Variants in KIAA2012 observed in about 807,000 individuals in gnomAD.
KIAA2012 encodes uncharacterized protein KIAA2012.
KIAA2012 carries 125 observed loss-of-function variants against 150.6 expected under a neutral mutation model. That is an observed-to-expected ratio of 0.83 (90% CI 0.72 to 0.96). KIAA2012 has a LOEUF of 0.96. KIAA2012 is among the 40% of genes least tolerant of loss of function. The pLI is 0.00. For missense variants in KIAA2012, 1,219 were observed against 1,354.9 expected (o/e 0.90, Z 1.57); for synonymous variants, 462 against 504.7 (o/e 0.92, Z 1.13).
chr2:202,187,213 A>C, intron 17 of KIAA2012, 115 bp downstream of exon 17: 1 of 1,181,594 alleles, frequency 8.5e-7, no homozygotes, highest in Non-Finnish European at 1.2e-6. Flanking sequence ...AAAGGGGATG[A>C]GGGGGGCACT....
chr2:202,193,900 C>T (rs34746021), intron 20 of KIAA2012, among the ~76,000 whole-genome samples: 16,246 of 152,254 alleles, frequency 0.11, 1,044 homozygotes, highest in Non-Finnish European at 0.13. Context: ...ATCTTCACAA[C>T]CCTGTGAGGC....
intron 9 of KIAA2012, among the ~76,000 whole-genome samples, chr2:202,106,295 CAA>C (rs923365248): frequency 6.6e-6 from 1 of 152,166 alleles, no homozygotes; most frequent in Non-Finnish European, 1.5e-5. Flanking sequence ...TCAAACTTAC[CAA>C]AAGTTTCCTG....
intron 12 of KIAA2012, among the ~76,000 whole-genome samples, chr2:202,130,928 ATAAAT>A: frequency 6.6e-6 from 1 of 152,218 alleles, no homozygotes; most frequent in South Asian, 2.1e-4. Flanking sequence ...AAATAAATAA[ATAAAT>A]AAATAAAATA....
chr2:202,129,778 C>T (rs3845799), intron 12 of KIAA2012, among the ~76,000 whole-genome samples: 101,476 of 151,776 alleles, frequency 0.67, 34,369 homozygotes, highest in African/African-American at 0.77. Context: ...AAGACCACCC[C>T]GGCCAACATA....
rs1689287066 is a variant in KIAA2012, at chr2:202,074,881, C to T, written c.85-10C>T. ...AGTGGCTCCGTCAAAGTGGCTGCTT[C>T]TCATTGCAGGATTACTTGAACTGGA... On this transcript the variant is annotated splice_polypyrimidine_tract_variant and intron_variant, in intron 1 of 23. Transcript: ENST00000498697. The T allele has an allele frequency of 6.5e-7, 1 of 1,536,114 alleles. No individual in the cohort carries two copies. Among genetic ancestry groups the T allele is most frequent in the Admixed American group, 2.1e-5 (1 of 47,770 alleles).
intron 14 of KIAA2012, among the ~76,000 whole-genome samples, chr2:202,159,516 T>TC (rs1423445768): frequency 6.6e-6 from 1 of 152,148 alleles, no homozygotes; most frequent in Non-Finnish European, 1.5e-5. Context: ...CTTCTGAGAC[T>TC]CCATTTTCTC....
At chr2:202,120,030 A>T (rs1429011650) in intron 11 of KIAA2012, among the ~76,000 whole-genome samples, 1 of 152,206 alleles carries the variant, frequency 6.6e-6, no homozygotes, top group Non-Finnish European at 1.5e-5. Flanking sequence ...GCTGCTATCC[A>T]TGTAAGATGT....
chr2:202,110,669 C>G (rs181576188), intron 10 of KIAA2012, among the ~76,000 whole-genome samples: 4 of 152,258 alleles, frequency 2.6e-5, no homozygotes, highest in Admixed American at 2.6e-4. Flanking sequence ...CTTTGAGAGG[C>G]ATGTGGGAAC....
chr2:202,104,567 A>G lies in KIAA2012; in HGVS notation c.1325-1194A>G, dbSNP rs1690132676. On this transcript the variant is annotated intron_variant, in intron 8 of 23. Transcript: ENST00000498697. This position sits in a 1 kb window ranked among gnomAD's most constrained non-coding sequence, Gnocchi z 4.3. ...AGCAAGCAGCCTAAGCAGATTTAGA[A>G]TTGTCTAGTTTGAATAATTCAGCCA... Among the ~76,000 whole-genome samples, 1 of 152,200 alleles carries G rather than the reference A, an allele frequency of 6.6e-6. No homozygotes were observed. The highest frequency in any genetic ancestry group is 6.5e-5 in the Admixed American group (1 of 15,282).
chr2:202,186,071 C>T (rs1692221159), intron 16 of KIAA2012, among the ~76,000 whole-genome samples: 3 of 152,314 alleles, frequency 2.0e-5, no homozygotes, highest in Admixed American at 1.3e-4. Flanking sequence ...TGCTGCAATC[C>T]ACGTGGCTGC....
Position 202,154,772 on chromosome 2 carries a change from A to G in KIAA2012, c.2008A>G (p.Thr670Ala). The change falls in exon 14 of 24, where the codon ACG becomes GCG. Residue 670 changes from threonine (T) to alanine (A), a missense_variant. Transcript: ENST00000498697. ...LICSNRKEFY[T>A]RKLHIDMTPF... is the part of the protein sequence containing the mutation. ...ATGTTCAAACAGAAAAGAATTTTAC[A>G]CGCGCAAGCTGCACATCGACATGAC... The G allele has an allele frequency of 6.5e-7, 1 of 1,549,988 alleles. No individual in the cohort carries two copies. The highest frequency in any genetic ancestry group is 1.2e-5 in the South Asian group (1 of 83,816).
rs1263918915 is a variant in KIAA2012 at position 202,103,760 on chromosome 2, T to C, written c.1324+646T>C. Among the ~76,000 whole-genome samples, 5 of 152,226 alleles carry C rather than the reference T, an allele frequency of 3.3e-5. No homozygotes were observed. The South Asian group carries it at 6.2e-4, about 19-fold the overall frequency. On this transcript the variant is annotated intron_variant, in intron 8 of 23. Coordinates refer to ENST00000498697, the MANE Select transcript of KIAA2012 (RefSeq NM_001277372.4). ...GCTTCTAAGCAAAGTTCTAAGAGAA[T>C]ATGAGCAAAGGAGTTCAATTCCAAC...
At chr2:202,179,455 C>T in intron 15 of KIAA2012, 2 of 714,552 alleles carry the variant, frequency 2.8e-6, no homozygotes, top group East Asian at 5.7e-5. Flanking sequence ...AACAGAAATT[C>T]ATTCTGTATG....
At chr2:202,164,243 A>G (rs1305948319) in intron 14 of KIAA2012, among the ~76,000 whole-genome samples, 1 of 152,118 alleles carries the variant, frequency 6.6e-6, no homozygotes, top group East Asian at 1.9e-4. Context: ...TCTACCTGCC[A>G]TGTTACTTTG....
At chr2:202,172,441 C>G (rs1018337890) in intron 15 of KIAA2012, among the ~76,000 whole-genome samples, 1 of 152,148 alleles carries the variant, frequency 6.6e-6, no homozygotes, top group East Asian at 1.9e-4. Context: ...GTTTTTTAAG[C>G]CAGCATGAAT....
intron 15 of KIAA2012, among the ~76,000 whole-genome samples, chr2:202,167,142 C>G (rs1691784977): frequency 6.6e-6 from 1 of 151,320 alleles, no homozygotes; most frequent in South Asian, 2.1e-4. Context: ...CCACTGCACT[C>G]TAGCCTGGGC....
intron 14 of KIAA2012, among the ~76,000 whole-genome samples, chr2:202,162,519 C>A (rs1691677299): frequency 6.6e-6 from 1 of 151,750 alleles, no homozygotes; most frequent in African/African-American, 2.4e-5. Flanking sequence ...AGGTGATCCA[C>A]CCACCTGGGC....
chr2:202,150,255 T>A (rs1410374280), intron 13 of KIAA2012, among the ~76,000 whole-genome samples: 1 of 152,240 alleles, frequency 6.6e-6, no homozygotes, highest in Non-Finnish European at 1.5e-5. Flanking sequence ...AACTCGTTAA[T>A]CTTTATTGTT....
rs1426766398 is a variant in KIAA2012, at chr2:202,196,811, C to T, written c.3199C>T (p.Gln1067Ter). ...TTTCTATTCTGCAGAGGCAGAGAAG[C>T]AAAGGCAAGAGGAATTGGAAATGCA... is the stretch of plus-strand genomic sequence containing the variant. ...EEAERAEAEK[Q>*]RQEELEMQLE... is the part of the protein sequence containing the mutation. Residue 1067 changes from glutamine (Q) to a stop codon, truncating the protein, a stop_gained, in exon 22 of 24, where the codon CAA becomes TAA. Transcript: ENST00000498697. LOFTEE classifies it high-confidence loss of function. 1.3e-6 allele frequency: 2 copies of T among 1,550,238 alleles called. No homozygotes were observed. Among genetic ancestry groups the T allele is most frequent in the Non-Finnish European group, 8.7e-7 (1 of 1,146,854 alleles).
Sources: gnomAD v4.1 joint callset for allele counts (sites outside exome capture counted in the v4.1 genomes callset) on GRCh38, gnomAD v4.1.1 for gene constraint, Gnocchi (gnomAD v3.1) non-coding constraint, MANE v1.5 for transcripts, NCBI Gene and HGNC (gene_info 2026-07-23, HGNC 2026-07-21) for gene names.